ECE1: variants seen among roughly 807,000 people sequenced by gnomAD.
The protein encoded by ECE1 is endothelin-converting enzyme 1.
A neutral mutation model predicts 98.6 loss-of-function variants in ECE1; 35 were observed. That is an observed-to-expected ratio of 0.35 (90% confidence interval 0.27 to 0.47). The LOEUF (loss-of-function observed/expected upper bound fraction) is 0.47. ECE1 is among the 20% of genes least tolerant of loss of function. The pLI is 1.00. For missense variants in ECE1, 814 were observed against 1,025.3 expected (o/e 0.79, Z 2.81); for synonymous variants, 394 against 407.1 (o/e 0.97, Z 0.39).
intron 12 of ECE1, among the ~76,000 whole-genome samples, chr1:21,236,306 A>G (rs899476659): frequency 6.6e-6 from 1 of 152,254 alleles, no homozygotes; most frequent in Non-Finnish European, 1.5e-5. Context: ...TGCTAGGCCT[A>G]GACCGCTCAC....
chr1:21,270,257 G>A (rs886606122), intron 4 of ECE1, among the ~76,000 whole-genome samples: 5 of 152,238 alleles, frequency 3.3e-5, no homozygotes, highest in Admixed American at 6.5e-5. Context: ...CAACAATTCC[G>A]AAGTCTGGGG....
chr1:21,279,396 G>C, intron 2 of ECE1, 64 bp from the exon 3 acceptor site: 1 of 1,612,804 alleles, frequency 6.2e-7, no homozygotes, highest in East Asian at 2.2e-5. Context: ...TCCCTTGGAG[G>C]AAGGGGTTCC....
chr1:21,257,546 C>T lies in ECE1; in HGVS notation c.807G>A (p.Leu269=), dbSNP rs763938523. ...GLGLPSRDYY[L]NKTENEKVLT... is the part of the protein sequence containing the mutation. Reference sequence around the variant, plus strand: ...TTACCTTCTCGTTTTCAGTTTTGTTCAGGTAATAGTCTCTCGAGGGCAAGC... The same window carrying T: ...TTACCTTCTCGTTTTCAGTTTTGTTTAGGTAATAGTCTCTCGAGGGCAAGC... Residue 269 remains leucine (L), a synonymous_variant, in exon 7 of 19, where the codon CTG becomes CTA. Coordinates refer to ENST00000374893, the MANE Select transcript of ECE1 (RefSeq NM_001397.3). The T allele has an allele frequency of 2.5e-6, 4 of 1,614,238 alleles. No individual in the cohort carries two copies. The highest frequency in any genetic ancestry group is 3.4e-6 in the Non-Finnish European group (4 of 1,180,044).
At chr1:21,254,283 G>A (rs1387721349) in intron 8 of ECE1, among the ~76,000 whole-genome samples, 1 of 151,530 alleles carries the variant, frequency 6.6e-6, no homozygotes, top group African/African-American at 2.4e-5. Flanking sequence ...TTGAACTTTG[G>A]GTACTTAGAA....
intron 1 of ECE1, among the ~76,000 whole-genome samples, chr1:21,306,454 G>A (rs1323394686): frequency 6.6e-6 from 1 of 151,468 alleles, no homozygotes; most frequent in Non-Finnish European, 1.5e-5. Flanking sequence ...CTCCCGCCTC[G>A]GCCTCTTGAG....
At chr1:21,259,872 G>C (rs1045041296) in intron 5 of ECE1, among the ~76,000 whole-genome samples, 9 of 152,110 alleles carry the variant, frequency 5.9e-5, no homozygotes, top group Non-Finnish European at 1.2e-4. Context: ...CTCTCTGTGG[G>C]TCTTTCTGGA....
intron 1 of ECE1, among the ~76,000 whole-genome samples, chr1:21,326,937 G>A (rs1162657682): frequency 1.3e-5 from 2 of 152,166 alleles, no homozygotes; most frequent in African/African-American, 4.8e-5. Flanking sequence ...CCCCAGCAAG[G>A]GGCTGTGTTT....
chr1:21,282,596 A>G (rs2098256048), intron 2 of ECE1, among the ~76,000 whole-genome samples: 1 of 151,160 alleles, frequency 6.6e-6, no homozygotes, highest in Non-Finnish European at 1.5e-5. Context: ...TTGAAAAAAA[A>G]AAAAAAAAGA....
chr1:21,267,484 C>T (rs571780931), intron 4 of ECE1, among the ~76,000 whole-genome samples: 2 of 152,158 alleles, frequency 1.3e-5, no homozygotes, highest in Non-Finnish European at 2.9e-5. Context: ...TCTTGTGAGA[C>T]TTATTCACTA....
At chr1:21,325,684 C>T (rs213028) in intron 1 of ECE1, among the ~76,000 whole-genome samples, 57,625 of 152,188 alleles carry the variant, frequency 0.38, 13,313 homozygotes, top group African/African-American at 0.65. Context: ...TTCCTTGGAG[C>T]TGACTGAGGT....
chr1:21,324,435 G>A (rs1416004031), intron 1 of ECE1, among the ~76,000 whole-genome samples: 3 of 152,236 alleles, frequency 2.0e-5, no homozygotes, highest in African/African-American at 4.8e-5. Context: ...TGTCCAGGGA[G>A]ACTCCAACGG....
Position 21,290,452 on chromosome 1 carries a change from C to T in ECE1, c.-38G>A, listed in dbSNP as rs1162271859. The T allele has an allele frequency of 1.6e-6, 2 of 1,228,238 alleles. No individual in the cohort carries two copies. Among genetic ancestry groups the T allele is most frequent in the Non-Finnish European group, 2.0e-6 (2 of 986,036 alleles). The allele number at this position is 1,228,238 out of a possible 1,614,324, so 76.1% of individuals were successfully genotyped here. On this transcript the variant is annotated 5_prime_UTR_variant, in exon 1 of 19. Transcript: ENST00000374893. The surrounding 1 kb of genome is among the most constrained non-coding windows in gnomAD (Gnocchi z 7.3). ...ACGCCTGGTCCCGCTGCCCGGGTGG[C>T]CGGGATGGGATGGGCCGGGCCAGGC...
chr1:21,241,143 T>G (rs898135851), intron 10 of ECE1, among the ~76,000 whole-genome samples: 2 of 152,118 alleles, frequency 1.3e-5, no homozygotes, highest in African/African-American at 4.8e-5. Context: ...ACAGTAAGAT[T>G]CTCCTGCCTC....
intron 1 of ECE1, among the ~76,000 whole-genome samples, chr1:21,332,594 AG>A (rs1415365940): frequency 1.5e-4 from 1 of 6,794 alleles, no homozygotes; most frequent in East Asian, 7.1e-3. Context: ...GTCCAGGGGG[AG>A]GGGGGAGGAG....
intron 1 of ECE1, among the ~76,000 whole-genome samples, chr1:21,334,004 C>T (rs1639259640): frequency 6.6e-6 from 1 of 152,208 alleles, no homozygotes; most frequent in Non-Finnish European, 1.5e-5. Context: ...GAGGAGAAAA[C>T]CGAGGCTCAG....
At chr1:21,326,101 T>C (rs1300267498) in intron 1 of ECE1, among the ~76,000 whole-genome samples, 2 of 152,066 alleles carry the variant, frequency 1.3e-5, no homozygotes, top group African/African-American at 2.4e-5. Context: ...TATGAGCATG[T>C]TTCCTGCCTC....
chr1:21,220,018 T>C lies in ECE1; in HGVS notation c.2250A>G (p.Ser750=). The C allele has an allele frequency of 6.2e-7, 1 of 1,614,236 alleles. No individual in the cohort carries two copies. The highest frequency in any genetic ancestry group is 2.2e-5 in the East Asian group (1 of 44,882). ...AGCCAGGTGGGCAGCGGAAGTGTTC[T>C]GAGAACTCCTTGGAATTGGAGAGGG... ...IGSLSNSKEF[S]EHFRCPPGSP... is the part of the protein sequence containing the mutation. Residue 750 remains serine (S), a synonymous_variant, in exon 19 of 19, where the codon TCA becomes TCG. Coordinates refer to ENST00000374893, the MANE Select transcript of ECE1 (RefSeq NM_001397.3). The surrounding 1 kb of genome is among the most constrained non-coding windows in gnomAD (Gnocchi z 5.0).
Position 21,260,355 on chromosome 1 carries a change from C to T in ECE1, c.531G>A (p.Lys177=). The change falls in exon 5 of 19, where the codon AAG becomes AAA. Residue 177 remains lysine, a synonymous_variant. Coordinates refer to ENST00000374893, the MANE Select transcript of ECE1 (RefSeq NM_001397.3). This position sits in a 1 kb window ranked among gnomAD's most constrained non-coding sequence, Gnocchi z 4.3. ...TGCACGCACGGTAGTATACTTGCGC[C>T]TTTCTCTCTGCCTCGCTCACGCTGG... ...STASVSEAER[K]AQVYYRACMN... 6.2e-7 allele frequency: 1 copy of T among 1,614,258 alleles called. No homozygotes were observed. Among genetic ancestry groups the T allele is most frequent in the Non-Finnish European group, 8.5e-7 (1 of 1,180,056 alleles).
At chr1:21,315,325 T>C (rs1285254289) in intron 1 of ECE1, among the ~76,000 whole-genome samples, 3 of 152,092 alleles carry the variant, frequency 2.0e-5, no homozygotes, top group African/African-American at 7.2e-5. Context: ...CCTACTGGGG[T>C]CCCAACCTTT....
Sources: allele counts gnomAD v4.1 joint callset (sites outside exome capture counted in the v4.1 genomes callset), GRCh38; gene constraint gnomAD v4.1.1; non-coding constraint Gnocchi (gnomAD v3.1); transcripts MANE v1.5; gene names NCBI Gene and HGNC (gene_info 2026-07-23, HGNC 2026-07-21).